The following LHFPL3 variants were observed in gnomAD, a reference collection of about 807,000 sequenced individuals.
The protein encoded by LHFPL3 is LHFPL tetraspan subfamily member 3 protein.
LHFPL3 carries 5 observed loss-of-function variants against 19.3 expected under a neutral mutation model. That is an observed-to-expected ratio of 0.26 (90% CI 0.14 to 0.54). The LOEUF is 0.54. LHFPL3 is among the 20% of genes least tolerant of loss of function. LHFPL3 has a pLI of 0.94. For synonymous variants in LHFPL3, 133 were observed against 126.2 expected (o/e 1.05, Z -0.36); for missense variants, 249 against 307.4 (o/e 0.81, Z 1.42).
At chr7:104,561,180 T>G (rs540813949) in intron 1 of LHFPL3, among the ~76,000 whole-genome samples, 1 of 152,116 alleles carries the variant, frequency 6.6e-6, no homozygotes, top group East Asian at 1.9e-4. Flanking sequence ...TGGAGAGTTC[T>G]GTAATTGTCT....
chr7:104,590,794 C>T (rs941867037), intron 1 of LHFPL3, among the ~76,000 whole-genome samples: 3 of 152,140 alleles, frequency 2.0e-5, no homozygotes. Context: ...AATCTGGGTG[C>T]TCTTGTATTG....
intron 2 of LHFPL3, among the ~76,000 whole-genome samples, chr7:104,809,077 T>G (rs1790419786): frequency 6.6e-6 from 1 of 152,070 alleles, no homozygotes; most frequent in Non-Finnish European, 1.5e-5. Flanking sequence ...GTATTTTTAG[T>G]AGAGACGGGG....
chr7:104,723,743 AAAAAAAAAG>A lies in LHFPL3; in HGVS notation c.446-12930_446-12922del, dbSNP rs1259813770. Among the ~76,000 whole-genome samples, 736 of 150,244 alleles carry A rather than the reference AAAAAAAAAG, an allele frequency of 4.9e-3. 10 individuals carry two copies. The highest frequency in any genetic ancestry group is 0.017 in the African/African-American group (687 of 40,560). On this transcript the variant is annotated intron_variant, in intron 1 of 2. Coordinates refer to ENST00000424859, the MANE Select transcript of LHFPL3 (RefSeq NM_199000.3). Reference sequence around the variant, plus strand: ...TCTCCAAAAAAAAAAAAAAAAAAAAAAAAAAAAAGATGATCTCTGATATACTTCCAAAAA... The same window carrying A: ...TCTCCAAAAAAAAAAAAAAAAAAAAAATGATCTCTGATATACTTCCAAAAA...
At chr7:104,540,585 G>A (rs1794467167) in intron 1 of LHFPL3, among the ~76,000 whole-genome samples, 1 of 152,176 alleles carries the variant, frequency 6.6e-6, no homozygotes, top group Non-Finnish European at 1.5e-5. Flanking sequence ...GCTTTCTGGG[G>A]TAGCGAATTG....
At chr7:104,364,831 G>A (rs1790453709) in intron 1 of LHFPL3, among the ~76,000 whole-genome samples, 1 of 152,172 alleles carries the variant, frequency 6.6e-6, no homozygotes, top group South Asian at 2.1e-4. Flanking sequence ...TCTAAATTTG[G>A]CAAAGTAAAT....
chr7:104,405,104 A>C (rs935524149), intron 1 of LHFPL3, among the ~76,000 whole-genome samples: 1 of 152,128 alleles, frequency 6.6e-6, no homozygotes, highest in Non-Finnish European at 1.5e-5. Flanking sequence ...GTTTCTAATA[A>C]ATTCAGATAG....
intron 1 of LHFPL3, among the ~76,000 whole-genome samples, chr7:104,687,182 A>G (rs1345934020): frequency 6.6e-6 from 1 of 152,208 alleles, no homozygotes; most frequent in Non-Finnish European, 1.5e-5. Flanking sequence ...GAAACACTTT[A>G]CTTACATTTA....
intron 1 of LHFPL3, among the ~76,000 whole-genome samples, chr7:104,461,403 A>G (rs984771410): frequency 4.6e-5 from 7 of 152,156 alleles, no homozygotes; most frequent in Admixed American, 2.0e-4. Context: ...AAGGGGTCCA[A>G]TTTCAATCAT....
chr7:104,731,707 C>T (rs1793708730), intron 1 of LHFPL3, among the ~76,000 whole-genome samples: 1 of 151,712 alleles, frequency 6.6e-6, no homozygotes, highest in East Asian at 1.9e-4. Flanking sequence ...TAATTGAATA[C>T]CCTTTATTTC....
chr7:104,393,535 G>A (rs550964888), intron 1 of LHFPL3, among the ~76,000 whole-genome samples: 7 of 152,042 alleles, frequency 4.6e-5, no homozygotes, highest in Non-Finnish European at 8.8e-5. Context: ...GATCAACATG[G>A]TGAAACCCCG....
rs1227289243 is a variant in LHFPL3, at chr7:104,594,035, C to T, written c.446-142640C>T. 3.3e-5 allele frequency among the ~76,000 whole-genome samples: 5 copies of T among 152,178 alleles called. No individual in the cohort carries two copies. In the South Asian group the frequency reaches 8.3e-4, roughly 25 times the overall value. On this transcript the variant is annotated intron_variant, in intron 1 of 2. Transcript: ENST00000424859. ...TTAATTGGGGCATTTAGCCGATTTA[C>T]ATTCAAGGTTAATATTGTATGTGTG...
At chr7:104,725,345 C>G (rs538592014) in intron 1 of LHFPL3, among the ~76,000 whole-genome samples, 1 of 152,304 alleles carries the variant, frequency 6.6e-6, no homozygotes, top group East Asian at 1.9e-4. Context: ...ACTAACCTGC[C>G]TGAGCTTATG....
chr7:104,382,693 G>A (rs1053173314), intron 1 of LHFPL3, among the ~76,000 whole-genome samples: 5 of 152,140 alleles, frequency 3.3e-5, no homozygotes, highest in Non-Finnish European at 5.9e-5. Context: ...GAGAGTTTAC[G>A]TACCCTATGT....
chr7:104,777,204 T>C (rs1268659840), intron 2 of LHFPL3, among the ~76,000 whole-genome samples: 2 of 152,170 alleles, frequency 1.3e-5, no homozygotes, highest in East Asian at 3.8e-4. Context: ...TGCCTTGAAA[T>C]TTGGAAATAT....
intron 2 of LHFPL3, among the ~76,000 whole-genome samples, chr7:104,834,902 C>A (rs990954778): frequency 2.0e-5 from 3 of 151,898 alleles, no homozygotes; most frequent in African/African-American, 7.3e-5. Flanking sequence ...GAGAGAGGTG[C>A]CTTTTATTTT....
intron 1 of LHFPL3, among the ~76,000 whole-genome samples, chr7:104,374,076 G>A (rs1790661331): frequency 6.6e-6 from 1 of 152,096 alleles, no homozygotes; most frequent in Non-Finnish European, 1.5e-5. Context: ...TGACTCCTCA[G>A]ACCCCTTAGA....
intron 1 of LHFPL3, among the ~76,000 whole-genome samples, chr7:104,524,431 G>A (rs117444798): frequency 0.048 from 7,368 of 152,246 alleles, 248 homozygotes; most frequent in Non-Finnish European, 0.068. Context: ...ATGGGGGCCA[G>A]CAAGTGGACC....
chr7:104,674,140 T>G (rs143888676), intron 1 of LHFPL3, among the ~76,000 whole-genome samples: 4 of 151,702 alleles, frequency 2.6e-5, no homozygotes, highest in African/African-American at 9.7e-5. Context: ...TCAGAATACA[T>G]GTTCTTCATA....
intron 1 of LHFPL3, among the ~76,000 whole-genome samples, chr7:104,481,905 T>C (rs749139575): frequency 2.6e-5 from 4 of 152,180 alleles, no homozygotes; most frequent in Non-Finnish European, 5.9e-5. Context: ...TGCTACTGTG[T>C]GGTAACAGCT....
Sources: gnomAD v4.1 joint callset for allele counts (sites outside exome capture counted in the v4.1 genomes callset) on GRCh38, gnomAD v4.1.1 for gene constraint, MANE v1.5 for transcripts, NCBI Gene and HGNC (gene_info 2026-07-23, HGNC 2026-07-21) for gene names.